Variants in GAB3 observed in about 807,000 individuals in gnomAD.
GAB3 encodes GRB2 associated binding protein 3.
In GAB3, 12 loss-of-function variants were observed where a neutral mutation model predicts 40.4. The observed-to-expected ratio is 0.30, with a 90% CI of 0.19 to 0.48. The LOEUF (loss-of-function observed/expected upper bound fraction) is 0.48, where lower values mean the gene tolerates loss of function less well. Ranked by LOEUF, GAB3 falls within the 20% of genes least tolerant of loss-of-function variation. The pLI is 0.99. For synonymous variants in GAB3, 154 were observed against 176.7 expected, an observed-to-expected ratio of 0.87 and a Z score of 1.02; for missense variants, 381 against 461.9, an observed-to-expected ratio of 0.82 and a Z score of 1.61.
intron 2 of GAB3, among the ~76,000 whole-genome samples, chrX:154,715,124 A>G (rs1317800418): frequency 8.9e-6 from 1 of 112,003 alleles, no homozygotes; most frequent in Non-Finnish European, 1.9e-5. Context: ...CTCCATTGCC[A>G]CCTAGCGTTA....
At chrX:154,700,343 TGAGGA>T (rs1418138205) in intron 4 of GAB3, among the ~76,000 whole-genome samples, 2 of 111,385 alleles carry the variant, frequency 1.8e-5, no homozygotes, top group African/African-American at 6.5e-5. Context: ...ACTGGAGGTT[TGAGGA>T]GAGGAGAGAG....
At chrX:154,692,396 A>G (rs986818336) in intron 8 of GAB3, among the ~76,000 whole-genome samples, 2 of 112,568 alleles carry the variant, frequency 1.8e-5, no homozygotes, top group South Asian at 3.6e-4. Flanking sequence ...ATAAATGGCC[A>G]ATAAGTACAT....
intron 4 of GAB3, among the ~76,000 whole-genome samples, chrX:154,709,025 G>A (rs985711313): frequency 3.6e-5 from 4 of 111,319 alleles, no homozygotes; most frequent in Admixed American, 9.5e-5. Context: ...GGGCCTGGTG[G>A]GAGGTGATTG....
chrX:154,690,124 C>G (rs1397796620), intron 8 of GAB3, among the ~76,000 whole-genome samples: 5 of 108,511 alleles, frequency 4.6e-5, no homozygotes, highest in African/African-American at 1.7e-4. Context: ...ATATCTACAA[C>G]TATCTGATCT....
In GAB3 at chrX:154,677,433, A is replaced by C. The variant is rs1361318314; in HGVS notation, c.*745T>G. 8.9e-6 allele frequency: 1 copy of C among 111,834 alleles called. No homozygotes were observed. The highest frequency in any genetic ancestry group is 1.9e-5 in the Non-Finnish European group (1 of 53,166). 9.2% of individuals were successfully genotyped at this position (111,834 alleles called of 1,213,427 possible). On this transcript the variant is annotated 3_prime_UTR_variant, in exon 10 of 10. Transcript: ENST00000424127. ...GACTCTGGGTCTTGGCTTTGTGAGT[A>C]ATCTTGGGCAAAGTGTTCCCTCCTC...
intron 1 of GAB3, among the ~76,000 whole-genome samples, chrX:154,737,727 C>A (rs1226153981): frequency 8.9e-6 from 1 of 112,223 alleles, no homozygotes; most frequent in Non-Finnish European, 1.9e-5. Context: ...AATTACAGGC[C>A]AGGCGCAGTG....
chrX:154,715,972 C>G (rs2071039016), intron 2 of GAB3, 54 bp downstream of exon 2: 1 of 1,088,228 alleles, frequency 9.2e-7, no homozygotes, highest in African/African-American at 1.8e-5. Context: ...TCTGCAGTAA[C>G]CCTCCAGTCC....
rs782045421 is a variant in GAB3 at position 154,712,545 on chromosome X, C to T, written c.753G>A (p.Ser251=). The T allele has an allele frequency of 3.7e-5, 44 of 1,183,822 alleles. No homozygotes were observed. The Admixed American group carries it at 7.2e-4, about 19-fold the overall frequency. ...TCCAGATCAGGGCAGCCTGAGGCCTCGAGGATGGCACCTCCTGAGCTCCAC... is the reference window on the plus strand; with the variant it reads ...TCCAGATCAGGGCAGCCTGAGGCCTTGAGGATGGCACCTCCTGAGCTCCAC... ...HGSGAQEVPS[S]RPQAALIWSR... Residue 251 remains serine, a synonymous_variant, in exon 4 of 10, where the codon TCG becomes TCA. Coordinates refer to ENST00000424127, the MANE Select transcript of GAB3 (RefSeq NM_001081573.3).
intron 4 of GAB3, among the ~76,000 whole-genome samples, chrX:154,705,046 T>TC (rs1202456806): frequency 9.1e-6 from 1 of 110,049 alleles, no homozygotes; most frequent in Non-Finnish European, 1.9e-5. Context: ...TCTCAAACTA[T>TC]CCCCCACAAA....
chrX:154,747,492 A>T (rs1010002650), intron 1 of GAB3, among the ~76,000 whole-genome samples: 4 of 112,395 alleles, frequency 3.6e-5, no homozygotes. Flanking sequence ...ATCTAAATAT[A>T]AAATATAAAA....
chrX:154,704,989 A>C (rs1426389788), intron 4 of GAB3, among the ~76,000 whole-genome samples: 5 of 111,500 alleles, frequency 4.5e-5, no homozygotes, highest in Non-Finnish European at 9.4e-5. Flanking sequence ...TGATGGCTTT[A>C]CTGCTGAATT....
chrX:154,685,712 TAGAC>T (rs2070438904), intron 8 of GAB3, among the ~76,000 whole-genome samples: 1 of 111,788 alleles, frequency 8.9e-6, no homozygotes, highest in African/African-American at 3.2e-5. Context: ...TGTTCAAAGA[TAGAC>T]AGGGAAACCA....
At chrX:154,723,468 G>C (rs1361017064) in intron 1 of GAB3, among the ~76,000 whole-genome samples, 4 of 111,729 alleles carry the variant, frequency 3.6e-5, no homozygotes, top group African/African-American at 1.3e-4. Context: ...GTTCAGAGAT[G>C]GGTCAGGAAG....
At chrX:154,751,114 C>T (rs1391719246), upstream of GAB3, 9 of 727,045 alleles carry the variant, frequency 1.2e-5, no homozygotes, top group Admixed American at 8.8e-5. Context: ...GCGGGCCCAG[C>T]GCCCGCCCGC....
chrX:154,728,249 T>C (rs1237370559), intron 1 of GAB3, among the ~76,000 whole-genome samples: 1 of 111,969 alleles, frequency 8.9e-6, no homozygotes, highest in Non-Finnish European at 1.9e-5. Flanking sequence ...CTATCTGCAT[T>C]TGGAGCTCTA....
At chrX:154,678,362 T>C in intron 9 of GAB3, 68 bp from the exon 10 acceptor site, 1 of 573,385 alleles carries the variant, frequency 1.7e-6, no homozygotes, top group East Asian at 3.3e-5. Flanking sequence ...GTTTACCCTT[T>C]TGTATTAAAT....
chrX:154,716,017 C>T lies in GAB3; in HGVS notation c.376+9G>A, dbSNP rs782564299. 19 of 1,199,269 alleles carry T rather than the reference C, an allele frequency of 1.6e-5. No homozygotes were observed. Among genetic ancestry groups the T allele is most frequent in the East Asian group, 8.9e-5 (3 of 33,751 alleles). On this transcript the variant is annotated intron_variant, in intron 2 of 9. Transcript: ENST00000424127. ...CCTTAGCACATGGGAGCCCCAACTC[C>T]GCTCTTACCTGCACCATCCTCCAGG... is the stretch of plus-strand genomic sequence containing the variant.
chrX:154,689,310 T>A (rs1428491127), intron 8 of GAB3, among the ~76,000 whole-genome samples: 3 of 110,287 alleles, frequency 2.7e-5, no homozygotes, highest in African/African-American at 6.6e-5. Context: ...GCCAATATCA[T>A]ACTGAATGGG....
intron 1 of GAB3, among the ~76,000 whole-genome samples, chrX:154,724,525 C>T (rs2071184348): frequency 9.0e-6 from 1 of 110,951 alleles, no homozygotes; most frequent in Admixed American, 9.5e-5. Flanking sequence ...CTCTGACCAT[C>T]GAAAGATCCA....
Sources: allele counts gnomAD v4.1 joint callset (sites outside exome capture counted in the v4.1 genomes callset), GRCh38; gene constraint gnomAD v4.1.1; transcripts MANE v1.5; gene names NCBI Gene and HGNC (gene_info 2026-07-23, HGNC 2026-07-21).